Variants in IRAG1 observed in about 807,000 individuals in gnomAD.
IRAG1 encodes inositol 1,4,5-triphosphate receptor associated 1, also known as IP3R-associated cGMP kinase substrate.
Under a neutral mutation model 106.2 loss-of-function variants are expected in IRAG1, and 62 were observed. The observed-to-expected ratio is 0.58, with a 90% CI of 0.48 to 0.72. The LOEUF (loss-of-function observed/expected upper bound fraction) is 0.72. IRAG1 is among the 30% of genes least tolerant of loss of function. The pLI is 0.00. For synonymous variants in IRAG1, 462 were observed against 443.9 expected, an observed-to-expected ratio of 1.04 and a Z score of -0.51; for missense variants, 1,064 against 1,140.7, an observed-to-expected ratio of 0.93 and a Z score of 0.97.
At chr11:10,690,728 G>C (rs755205919) in intron 1 of IRAG1, among the ~76,000 whole-genome samples, 1 of 152,108 alleles carries the variant, frequency 6.6e-6, no homozygotes, top group Non-Finnish European at 1.5e-5. Flanking sequence ...GCTTGAGCTG[G>C]AGTCCACCAC....
In IRAG1 at chr11:10,591,596, C is replaced by G. The variant is rs776052038; in HGVS notation, c.2192G>C (p.Gly731Ala). 1 of 1,596,224 alleles carries G rather than the reference C, an allele frequency of 6.3e-7. No homozygotes were observed. The highest frequency in any genetic ancestry group is 1.1e-5 in the South Asian group (1 of 87,610). ...SLPALSESPN[G>A]KGSLPVTSAL... ...TGAAGTGACAGGTAGGCTGCCTTTC[C>G]CATTGGGTGATTCCGACTGAGTGAA... Residue 731 changes from glycine to alanine, a missense_variant, in exon 18 of 21, where the codon GGG becomes GCG. Physicochemically the swap from Gly to Ala is moderately conservative, Grantham distance 60. Transcript: ENST00000423302.
chr11:10,677,578 T>TCCTGTTCA (rs112949468), intron 1 of IRAG1, among the ~76,000 whole-genome samples: 6 of 151,692 alleles, frequency 4.0e-5, no homozygotes, highest in African/African-American at 1.5e-4. Context: ...GGGTCACATT[T>TCCTGTTCA]CCTCTTCACC....
intron 10 of IRAG1, among the ~76,000 whole-genome samples, chr11:10,620,171 T>G (rs1335208559): frequency 6.6e-6 from 1 of 152,152 alleles, no homozygotes; most frequent in African/African-American, 2.4e-5. Context: ...ATAACAGTGT[T>G]TTTAATAGAG....
At chr11:10,619,011 G>A (rs1338926489) in intron 10 of IRAG1, among the ~76,000 whole-genome samples, 3 of 152,168 alleles carry the variant, frequency 2.0e-5, no homozygotes, top group Non-Finnish European at 4.4e-5. Flanking sequence ...GTTAGCCAAG[G>A]GGACTGATAA....
At chr11:10,687,719 C>G (rs1477774327) in intron 1 of IRAG1, 1 of 1,288,908 alleles carries the variant, frequency 7.8e-7, no homozygotes, top group African/African-American at 1.5e-5. Context: ...AGAATAGGAC[C>G]CAGGACTGTG....
chr11:10,589,977 T>G (rs2134188085), intron 18 of IRAG1, among the ~76,000 whole-genome samples: 1 of 152,294 alleles, frequency 6.6e-6, no homozygotes, highest in East Asian at 1.9e-4. Context: ...TCTGTCATGA[T>G]TAAGAGTCTG....
chr11:10,578,618 C>G (rs1325976289), intron 20 of IRAG1, among the ~76,000 whole-genome samples: 9 of 152,202 alleles, frequency 5.9e-5, no homozygotes. Context: ...GAGGCACCAA[C>G]ATTTCAGGGA....
At chr11:10,649,658 C>G (rs529200458) in intron 2 of IRAG1, among the ~76,000 whole-genome samples, 4 of 152,288 alleles carry the variant, frequency 2.6e-5, no homozygotes, top group African/African-American at 9.6e-5. Flanking sequence ...GCTGGCCTTC[C>G]TAACCATCAC....
At chr11:10,689,549 A>C (rs1861907167) in intron 1 of IRAG1, among the ~76,000 whole-genome samples, 1 of 152,220 alleles carries the variant, frequency 6.6e-6, no homozygotes, top group South Asian at 2.1e-4. Flanking sequence ...TCCAAATGCT[A>C]TAAACCTATG....
intron 12 of IRAG1, 75 bp from the exon 13 acceptor site, chr11:10,604,620 G>C (rs1444040049): frequency 6.4e-7 from 1 of 1,567,882 alleles, no homozygotes; most frequent in Non-Finnish European, 8.7e-7. Context: ...TGTGCTCCTT[G>C]CACGAGCGTT....
At chr11:10,644,864 T>C (rs1019891694) in intron 2 of IRAG1, among the ~76,000 whole-genome samples, 11 of 152,322 alleles carry the variant, frequency 7.2e-5, no homozygotes, top group African/African-American at 2.6e-4. Flanking sequence ...AACCTCTCTG[T>C]TGGCCAGTGA....
chr11:10,683,973 A>ATGT (rs1342783457), intron 1 of IRAG1, among the ~76,000 whole-genome samples: 5 of 152,210 alleles, frequency 3.3e-5, no homozygotes, highest in African/African-American at 9.6e-5. Context: ...TTTATAAAGT[A>ATGT]ACGCATTAGT....
At chr11:10,691,776 T>G (rs576530147) in intron 1 of IRAG1, among the ~76,000 whole-genome samples, 14 of 152,148 alleles carry the variant, frequency 9.2e-5, no homozygotes, top group Admixed American at 3.9e-4. Flanking sequence ...GGCCGGTGAT[T>G]CCCCCGCTGC....
At chr11:10,673,346 A>G (rs1860399149) in intron 1 of IRAG1, among the ~76,000 whole-genome samples, 1 of 152,200 alleles carries the variant, frequency 6.6e-6, no homozygotes, top group African/African-American at 2.4e-5. Flanking sequence ...GAAACTTAAA[A>G]TGAATGAAAG....
At chr11:10,651,976 T>A in intron 2 of IRAG1, 49 bp downstream of exon 2, 1 of 1,511,528 alleles carries the variant, frequency 6.6e-7, no homozygotes, top group Non-Finnish European at 8.9e-7. Context: ...CCAGGGTGCT[T>A]GGCTTGGCCC....
At chr11:10,642,576 G>C (rs1376830570) in intron 2 of IRAG1, among the ~76,000 whole-genome samples, 1 of 152,212 alleles carries the variant, frequency 6.6e-6, no homozygotes, top group Non-Finnish European at 1.5e-5. Context: ...GAAGAAGTCG[G>C]GTAGGCCTAG....
chr11:10,653,020 T>C (rs1044175942), intron 1 of IRAG1, among the ~76,000 whole-genome samples: 10 of 152,038 alleles, frequency 6.6e-5, no homozygotes, highest in African/African-American at 2.4e-4. Flanking sequence ...CCAGTGCTGA[T>C]TGGGACTGCA....
intron 2 of IRAG1, among the ~76,000 whole-genome samples, chr11:10,636,867 G>A (rs1857182879): frequency 6.6e-6 from 1 of 152,230 alleles, no homozygotes; most frequent in African/African-American, 2.4e-5. Context: ...AATCGCATTA[G>A]CAAAAGGCAT....
chr11:10,578,421 T>C (rs1346022), intron 20 of IRAG1, among the ~76,000 whole-genome samples: 13,455 of 152,348 alleles, frequency 0.088, 784 homozygotes, highest in Admixed American at 0.14. Flanking sequence ...TTATTTAAAC[T>C]GATCCTCAAG....
Sources: gnomAD v4.1 joint callset for allele counts (sites outside exome capture counted in the v4.1 genomes callset) on GRCh38, gnomAD v4.1.1 for gene constraint, MANE v1.5 for transcripts, NCBI Gene and HGNC (gene_info 2026-07-23, HGNC 2026-07-21) for gene names.